The following MS4A13 variants were observed in gnomAD, a reference collection of about 807,000 sequenced individuals.
MS4A13 encodes the protein membrane spanning 4-domains A13, also known as membrane-spanning 4-domains subfamily A member 13.
MS4A13 carries 21 observed loss-of-function variants against 18.4 expected under a neutral mutation model. The observed-to-expected ratio is 1.14, with a 90% CI of 0.81 to 1.64. The LOEUF is 1.64. MS4A13 is among the 40% of genes most tolerant of loss of function. MS4A13 has a pLI of 0.00. For missense variants in MS4A13, 173 were observed against 176.8 expected (o/e 0.98, Z 0.12); for synonymous variants, 62 against 57.2 (o/e 1.08, Z -0.38).
At chr11:60,539,189 CAAAAAAAA>C (rs33947026) in intron 6 of MS4A13, among the ~76,000 whole-genome samples, 5 of 131,410 alleles carry the variant, frequency 3.8e-5, no homozygotes, top group South Asian at 2.4e-4. Context: ...AGTGTTGTTT[CAAAAAAAA>C]AAAAAAAAAA....
intron 5 of MS4A13, among the ~76,000 whole-genome samples, chr11:60,526,035 T>C (rs2086711141): frequency 6.6e-6 from 1 of 152,004 alleles, no homozygotes; most frequent in Non-Finnish European, 1.5e-5. Context: ...ATTTCAGTAA[T>C]GAGTAGAAGC....
chr11:60,516,777 A>G (rs566017399), intron 2 of MS4A13, among the ~76,000 whole-genome samples: 2 of 152,300 alleles, frequency 1.3e-5, no homozygotes, highest in Admixed American at 1.3e-4. Flanking sequence ...CCTTCTCCAC[A>G]CACTGGCAGT....
chr11:60,518,669 G>T (rs781453453), intron 3 of MS4A13, among the ~76,000 whole-genome samples: 2 of 152,174 alleles, frequency 1.3e-5, no homozygotes, highest in Admixed American at 6.5e-5. Context: ...GCCAAGTGAA[G>T]AAATTGTTAG....
chr11:60,519,922 G>C (rs1264777943), intron 3 of MS4A13, among the ~76,000 whole-genome samples: 1 of 152,174 alleles, frequency 6.6e-6, no homozygotes, highest in African/African-American at 2.4e-5. Context: ...AGCAGGTGAT[G>C]ATCAGGTGGA....
intron 6 of MS4A13, among the ~76,000 whole-genome samples, chr11:60,540,454 A>T (rs2086848156): frequency 6.6e-6 from 1 of 152,218 alleles, no homozygotes; most frequent in Non-Finnish European, 1.5e-5. Flanking sequence ...TGACAATAAT[A>T]GCACAAAGAA....
intron 6 of MS4A13, 40 bp downstream of exon 6, chr11:60,529,500 G>T (rs2086748246): frequency 1.7e-6 from 2 of 1,179,446 alleles, no homozygotes; most frequent in South Asian, 2.9e-5. Flanking sequence ...AAAAGATGTT[G>T]ATTTCTAGTA....
rs182605504 is a variant in MS4A13 at position 60,524,428 on chromosome 11, A to G, written c.186+475A>G. 1.6e-4 allele frequency among the ~76,000 whole-genome samples: 24 copies of G among 152,294 alleles called. No homozygotes were observed. In the East Asian group the frequency reaches 4.6e-3, roughly 29 times the overall value. On this transcript the variant is annotated intron_variant, in intron 4 of 6. Transcript: ENST00000378186. ...CTTTAGAATCTTAGAGCTAAAACGT[A>G]CCTTAGAAATTAGTCTGCCCTCATA...
At chr11:60,538,184 A>G (rs1301093877) in intron 6 of MS4A13, among the ~76,000 whole-genome samples, 1 of 151,114 alleles carries the variant, frequency 6.6e-6, no homozygotes, top group Non-Finnish European at 1.5e-5. Context: ...TAATAAAAAA[A>G]AAAAAAACGA....
At chr11:60,523,849 T>C (rs778174348) in intron 3 of MS4A13, 48 bp from the exon 4 acceptor site, 10 of 1,042,548 alleles carry the variant, frequency 9.6e-6, no homozygotes, top group South Asian at 8.1e-5. Context: ...ACATTCTAAA[T>C]TGGCAAGCAT....
rs1311753147 is a variant in MS4A13, at chr11:60,542,446, A to G, written c.403-73A>G. On this transcript the variant is annotated intron_variant, in intron 6 of 6. Transcript: ENST00000378186. ...ATCAGTATTACCTGTATTTTTTAAG[A>G]AAAAGATCTATTTATTAGTTGTATA... The G allele has an allele frequency of 1.6e-5, 16 of 1,031,422 alleles. 1 individual carries two copies. The highest frequency in any genetic ancestry group is 4.3e-6 in the Non-Finnish European group (3 of 695,204). The allele number at this position is 1,031,422 out of a possible 1,614,324, so 63.9% of individuals were successfully genotyped here.
chr11:60,535,441 C>T (rs2086801108), intron 6 of MS4A13, among the ~76,000 whole-genome samples: 1 of 135,838 alleles, frequency 7.4e-6, no homozygotes, highest in South Asian at 2.5e-4. Context: ...GGATACATTC[C>T]TCGACACATA....
chr11:60,525,436 T>G (rs1439164572), intron 5 of MS4A13, 110 bp downstream of exon 5: 1 of 680,540 alleles, frequency 1.5e-6, no homozygotes. Context: ...TGAAATTCTT[T>G]GATTTAGTTG....
At chr11:60,529,232 T>G in intron 5 of MS4A13, 133 bp from the exon 6 acceptor site, 1 of 484,382 alleles carries the variant, frequency 2.1e-6, no homozygotes, top group Non-Finnish European at 3.6e-6. Flanking sequence ...TGGTGAAAGG[T>G]TTATCTGTTC....
At chr11:60,538,019 G>T (rs1257080515) in intron 6 of MS4A13, among the ~76,000 whole-genome samples, 1 of 115,830 alleles carries the variant, frequency 8.6e-6, no homozygotes. Context: ...ACACTCTGGG[G>T]ACTGTGGTGG....
chr11:60,541,243 C>A (rs2086855737), intron 6 of MS4A13, among the ~76,000 whole-genome samples: 1 of 151,942 alleles, frequency 6.6e-6, no homozygotes. Flanking sequence ...ATGTGCATAC[C>A]CTATGATCAG....
At chr11:60,532,220 A>C (rs1222366836) in intron 6 of MS4A13, among the ~76,000 whole-genome samples, 1 of 152,218 alleles carries the variant, frequency 6.6e-6, no homozygotes, top group Non-Finnish European at 1.5e-5. Flanking sequence ...AGCATGAGCG[A>C]CGCAGAAGAC....
At chr11:60,522,239 G>GATGGATGTATATATATATATCTATAT (rs1555023684) in intron 3 of MS4A13, among the ~76,000 whole-genome samples, 41 of 133,886 alleles carry the variant, frequency 3.1e-4, no homozygotes, top group Non-Finnish European at 4.2e-4. Flanking sequence ...TAGATAGATA[G>GATGGATGTATATATATATATCTATAT]ATGTATATAT....
intron 6 of MS4A13, among the ~76,000 whole-genome samples, chr11:60,531,732 G>C (rs978102215): frequency 1.3e-5 from 2 of 152,136 alleles, no homozygotes; most frequent in African/African-American, 4.8e-5. Flanking sequence ...CTTTCACTTG[G>C]CTGTCTTCTC....
At chr11:60,542,231 G>A (rs1455593758) in intron 6 of MS4A13, among the ~76,000 whole-genome samples, 15 of 140,998 alleles carry the variant, frequency 1.1e-4, no homozygotes, top group African/African-American at 4.0e-4. Context: ...AAGAAAGGAA[G>A]GAAGGAAGGA....
Sources: gnomAD v4.1 joint callset for allele counts (sites outside exome capture counted in the v4.1 genomes callset) on GRCh38, gnomAD v4.1.1 for gene constraint, MANE v1.5 for transcripts, NCBI Gene and HGNC (gene_info 2026-07-23, HGNC 2026-07-21) for gene names.